The following FAM131A variants were observed in gnomAD, a reference collection of about 807,000 sequenced individuals.
The protein encoded by FAM131A is protein FAM131A.
A neutral mutation model predicts 39.2 loss-of-function variants in FAM131A; 24 were observed. The observed-to-expected ratio is 0.61, with a 90% confidence interval of 0.44 to 0.86. The LOEUF (loss-of-function observed/expected upper bound fraction) is 0.86, where lower values mean the gene tolerates loss of function less well. FAM131A is among the 40% of genes least tolerant of loss of function. FAM131A has a pLI of 0.00. For missense variants in FAM131A, 373 were observed against 481.2 expected (o/e 0.78, Z 2.10); for synonymous variants, 202 against 206.8 (o/e 0.98, Z 0.20).
At chr3:184,337,160 C>T (rs1481180281), upstream of FAM131A, 1 of 159,914 alleles carries the variant, frequency 6.3e-6, no homozygotes, top group Non-Finnish European at 1.4e-5. Flanking sequence ...ATCTCTCTGG[C>T]CCTATCAAGG....
At chr3:184,343,125 A>C in intron 5 of FAM131A, 2 of 228,864 alleles carry the variant, frequency 8.7e-6, no homozygotes, top group Non-Finnish European at 8.5e-6. Flanking sequence ...CAGTCCTCAA[A>C]AAAAAAAAAA....
rs377287428 is a variant in FAM131A, at chr3:184,344,891, G to A, written c.1022G>A (p.Arg341Gln). ...CCACCACTAACGGGCAGCTGGGAAC[G>A]GCAGCGGCAAGCCTCTGACCTGGCC... ...LCPPLTGSWE[R>Q]QRQASDLASS... is the part of the protein sequence containing the mutation. Residue 341 changes from arginine to glutamine, a missense_variant, in exon 6 of 6, where the codon CGG (arginine) becomes CAG (glutamine). Physicochemically the swap from Arg to Gln is conservative, Grantham distance 43. Coordinates refer to ENST00000383847, the MANE Select transcript of FAM131A (RefSeq NM_144635.5). The A allele has an allele frequency of 5.5e-5, 88 of 1,609,202 alleles. 1 individual carries two copies. In the South Asian group the frequency reaches 8.0e-4, roughly 15 times the overall value.
upstream of FAM131A, chr3:184,336,026 A>G: frequency 6.6e-6 from 1 of 152,042 alleles, no homozygotes; most frequent in Non-Finnish European, 1.5e-5. The surrounding 1 kb of genome is among the most constrained non-coding windows in gnomAD (Gnocchi z 5.5). Flanking sequence ...CCGCGACCCT[A>G]CCCTCTGCAA....
chr3:184,336,563 G>C (rs1330039772), upstream of FAM131A, among the ~76,000 whole-genome samples: 1 of 152,148 alleles, frequency 6.6e-6, no homozygotes, highest in Non-Finnish European at 1.5e-5. The surrounding 1 kb of genome is among the most constrained non-coding windows in gnomAD (Gnocchi z 5.5). Flanking sequence ...TCCCAGCCGT[G>C]TCCCCATCTT....
intron 2 of FAM131A, 120 bp from the exon 3 acceptor site, chr3:184,341,604 C>T (rs1727380893): frequency 4.1e-6 from 3 of 732,724 alleles, no homozygotes; most frequent in Non-Finnish European, 7.1e-6. Context: ...GCCACTGGGA[C>T]ATATGTGGTG....
intron 2 of FAM131A, 92 bp downstream of exon 2, chr3:184,338,621 G>T (rs1577284188): frequency 1.1e-5 from 16 of 1,482,282 alleles, no homozygotes; most frequent in Admixed American, 4.6e-5. Flanking sequence ...CCAGCTTCTG[G>T]CTCCCTTTTC....
At chr3:184,338,292 G>C (rs1444768614) in intron 1 of FAM131A, 95 bp from the exon 2 acceptor site, 1 of 1,302,432 alleles carries the variant, frequency 7.7e-7, no homozygotes. Flanking sequence ...GGAAGGTGGG[G>C]GAGGGGCCGA....
rs200914816 is a variant in FAM131A at position 184,342,894 on chromosome 3, C to T, written c.625+34C>T. On this transcript the variant is annotated intron_variant, in intron 5 of 5. Transcript: ENST00000383847. This position sits in a 1 kb window ranked among gnomAD's most constrained non-coding sequence, Gnocchi z 4.6. ...CATCCTGGGCTAGGGCTGTGGTGGACCCACCTGATAGACCTTGGCATTCTT... is the reference window on the plus strand; with the variant it reads ...CATCCTGGGCTAGGGCTGTGGTGGATCCACCTGATAGACCTTGGCATTCTT... 2.1e-4 allele frequency: 329 copies of T among 1,554,056 alleles called. No individual in the cohort carries two copies. Among genetic ancestry groups the T allele is most frequent in the Non-Finnish European group, 2.7e-4 (305 of 1,127,104 alleles).
At chr3:184,341,996 T>C (rs1481145811) in intron 3 of FAM131A, 70 bp from the exon 4 acceptor site, 1 of 1,590,750 alleles carries the variant, frequency 6.3e-7, no homozygotes, top group Non-Finnish European at 8.6e-7. Flanking sequence ...CTGCCACCCT[T>C]CCACCTCCCT....
In FAM131A at chr3:184,338,541, C is replaced by T; in HGVS notation, c.231+12C>T. ...AGGACTTGCCAGAGGTGCTGGGCCC[C>T]TGGTGGTGGGGGGAAGGAGGACGTC... On this transcript the variant is annotated intron_variant, in intron 2 of 5. Transcript: ENST00000383847. 6.5e-7 allele frequency: 1 copy of T among 1,534,966 alleles called. No homozygotes were observed. Among genetic ancestry groups the T allele is most frequent in the Admixed American group, 2.0e-5 (1 of 50,630 alleles).
chr3:184,345,768 A>G lies in FAM131A; in HGVS notation c.*798A>G. On this transcript the variant is annotated 3_prime_UTR_variant, in exon 6 of 6. Coordinates refer to ENST00000383847, the MANE Select transcript of FAM131A (RefSeq NM_144635.5). ...CTGCCCATTCACGCAGAGCTCTCTG[A>G]GCGGGAGGTGGAAGAAAGGATGGCT... 1 of 583,236 alleles carries G rather than the reference A, an allele frequency of 1.7e-6. No individual in the cohort carries two copies. Among genetic ancestry groups the G allele is most frequent in the Non-Finnish European group, 3.0e-6 (1 of 331,228 alleles). The allele number at this position is 583,236 out of a possible 1,614,324, so 36.1% of individuals were successfully genotyped here.
In FAM131A at chr3:184,342,613, C is replaced by T. The variant is rs1727435307; in HGVS notation, c.509-131C>T. 3.7e-6 allele frequency: 3 copies of T among 811,114 alleles called. No individual in the cohort carries two copies. The highest frequency in any genetic ancestry group is 5.2e-5 in the Admixed American group (2 of 38,752). The allele number at this position is 811,114 out of a possible 1,614,324, so 50.2% of individuals were successfully genotyped here. A position where few individuals can be genotyped will look rare whatever the true frequency, so the allele number is the denominator to read the frequency against. The stretch of plus-strand genomic sequence containing the variant: ...AAGCCACCACACCCGGCCAGGGCTG[C>T]TTTCTTATCTCCTCGGGTCTGACAT... On this transcript the variant is annotated intron_variant, in intron 4 of 5. Transcript: ENST00000383847. The surrounding 1 kb of genome is among the most constrained non-coding windows in gnomAD (Gnocchi z 4.6).
intron 5 of FAM131A, 70 bp from the exon 6 acceptor site, chr3:184,344,425 A>ACC (rs1727526790): frequency 7.1e-7 from 1 of 1,416,468 alleles, no homozygotes; most frequent in African/African-American, 1.4e-5. Flanking sequence ...GAGTGGGGTG[A>ACC]ATGTGGCTTC....
chr3:184,345,019 G>A lies in FAM131A; in HGVS notation c.*49G>A, dbSNP rs1254867922. The A allele has an allele frequency of 6.9e-6, 10 of 1,450,176 alleles. No homozygotes were observed. In the Admixed American group the frequency reaches 1.2e-4, roughly 17 times the overall value. The allele number at this position is 1,450,176 out of a possible 1,614,324, so 89.8% of individuals were successfully genotyped here. The stretch of plus-strand genomic sequence containing the variant: ...ATGCATCCCCCGGCTGCTGCCAGGG[G>A]CAGAGCCTCTGTGCCCAAGTGTGGG... On this transcript the variant is annotated 3_prime_UTR_variant, in exon 6 of 6. Coordinates refer to ENST00000383847, the MANE Select transcript of FAM131A (RefSeq NM_144635.5).
rs1295199010 is a variant in FAM131A, at chr3:184,344,539, T to C, written c.670T>C (p.Phe224Leu). The change falls in exon 6 of 6, where the codon TTC (phenylalanine) becomes CTC (leucine). Residue 224 changes from phenylalanine (F) to leucine (L), a missense_variant. Physicochemically the swap from Phe to Leu is conservative, Grantham distance 22 (BLOSUM62 0). Around this residue, in one of 2 missense-constraint regions of FAM131A, gnomAD observed 221 missense variants for 347.7 expected, o/e 0.64. Coordinates refer to ENST00000383847, the MANE Select transcript of FAM131A (RefSeq NM_144635.5). ...CCTGGGGCCGCACCTCCAGGACCTG[T>C]TCACCGGCCACCGGTTCTCCCGGCC... is the stretch of plus-strand genomic sequence containing the variant. ...LPLGPHLQDL[F>L]TGHRFSRPVR... 3 of 1,579,092 alleles carry C rather than the reference T, an allele frequency of 1.9e-6. No homozygotes were observed. In the African/African-American group the frequency reaches 4.0e-5, roughly 21 times the overall value.
intron 2 of FAM131A, 27 bp from the exon 3 acceptor site, chr3:184,341,697 A>G (rs767332266): frequency 1.3e-6 from 2 of 1,593,158 alleles, no homozygotes; most frequent in African/African-American, 1.3e-5. Flanking sequence ...TCAGAGGGGC[A>G]CTGACTTTCT....
Position 184,344,599 on chromosome 3 carries a change from T to G in FAM131A, c.730T>G (p.Cys244Gly). 1.9e-6 allele frequency: 3 copies of G among 1,612,644 alleles called. No homozygotes were observed. Among genetic ancestry groups the G allele is most frequent in the Non-Finnish European group, 1.7e-6 (2 of 1,179,482 alleles). Residue 244 changes from cysteine (C) to glycine (G), a missense_variant, in exon 6 of 6, where the codon TGC (cysteine) becomes GGC (glycine). Around this residue, in one of 2 missense-constraint regions of FAM131A, gnomAD observed 221 missense variants for 347.7 expected, o/e 0.64. Coordinates refer to ENST00000383847, the MANE Select transcript of FAM131A (RefSeq NM_144635.5). Reference protein sequence around the residue: ...RQGSVEPESDCSQTVSPDTLC... With the variant: ...RQGSVEPESDGSQTVSPDTLC... ...GGGCTCCGTGGAGCCTGAGAGCGACTGCTCACAGACCGTGTCCCCAGACAC... is the reference window on the plus strand; with the variant it reads ...GGGCTCCGTGGAGCCTGAGAGCGACGGCTCACAGACCGTGTCCCCAGACAC...
chr3:184,339,225 G>A (rs1389776953), intron 2 of FAM131A: 1 of 152,372 alleles, frequency 6.6e-6, no homozygotes, highest in Non-Finnish European at 1.5e-5. Flanking sequence ...TCCCTCGGGA[G>A]ACAGACAAGG....
At chr3:184,341,494 G>A (rs1560242250) in intron 2 of FAM131A, 2 of 581,938 alleles carry the variant, frequency 3.4e-6, no homozygotes, top group African/African-American at 3.7e-5. Flanking sequence ...TGGAGGATTA[G>A]CTGAAGTTTT....
Sources: gnomAD v4.1 joint callset for allele counts (sites outside exome capture counted in the v4.1 genomes callset) on GRCh38, gnomAD v4.1.1 for gene constraint, gnomAD v4.1.1 regional missense constraint, Gnocchi (gnomAD v3.1) non-coding constraint, MANE v1.5 for transcripts, NCBI Gene and HGNC (gene_info 2026-07-23, HGNC 2026-07-21) for gene names.